Variants in PTPRD observed in about 807,000 individuals in gnomAD.
PTPRD encodes the protein protein tyrosine phosphatase receptor type D, also known as receptor-type tyrosine-protein phosphatase delta.
PTPRD carries 34 observed loss-of-function variants against 214.5 expected under a neutral mutation model. The observed-to-expected ratio is 0.16, with a 90% CI of 0.12 to 0.21. The LOEUF (loss-of-function observed/expected upper bound fraction) is 0.21. PTPRD is among the 10% of genes least tolerant of loss of function. The probability of loss-of-function intolerance (pLI) is 1.00; values close to 1 mark genes in which losing one functional copy is unlikely to be tolerated. For missense variants in PTPRD, 2,545 were observed against 2,398.7 expected (o/e 1.06, Z -1.27); for synonymous variants, 1,128 against 845.7 (o/e 1.33, Z -5.79).
chr9:8,978,694 A>G (rs1245973554), intron 11 of PTPRD, among the ~76,000 whole-genome samples: 2 of 152,108 alleles, frequency 1.3e-5, no homozygotes, highest in African/African-American at 4.8e-5. Context: ...TATAACCTAC[A>G]TAGCCTTGGA....
intron 14 of PTPRD, among the ~76,000 whole-genome samples, chr9:8,537,905 G>T (rs2077348273): frequency 6.6e-6 from 1 of 151,952 alleles, no homozygotes; most frequent in Non-Finnish European, 1.5e-5. Context: ...AGTTTACATT[G>T]CATTAAGTTA....
At chr9:10,521,843 A>C (rs10756057) in intron 2 of PTPRD, among the ~76,000 whole-genome samples, 58,539 of 151,752 alleles carry the variant, frequency 0.39, 12,802 homozygotes, top group Non-Finnish European at 0.51. Context: ...TGCACAATTA[A>C]TAGGCTACAG....
chr9:8,549,579 G>C (rs1056712321), intron 14 of PTPRD, among the ~76,000 whole-genome samples: 2 of 152,096 alleles, frequency 1.3e-5, no homozygotes, highest in African/African-American at 4.8e-5. Flanking sequence ...ATATTATTTT[G>C]CATTGTAGAT....
At chr9:9,683,050 G>T (rs987494084) in intron 7 of PTPRD, among the ~76,000 whole-genome samples, 1 of 151,784 alleles carries the variant, frequency 6.6e-6, no homozygotes, top group East Asian at 1.9e-4. Context: ...CAGATATTTT[G>T]AAAGATAGGG....
At chr9:8,444,784 G>A (rs1046012120) in intron 34 of PTPRD, among the ~76,000 whole-genome samples, 1 of 152,112 alleles carries the variant, frequency 6.6e-6, no homozygotes, top group South Asian at 2.1e-4. Context: ...CTGGGACGGA[G>A]AGACTAAAGT....
Position 8,400,573 on chromosome 9 carries a change from G to T in PTPRD, c.4210+3964C>A, listed in dbSNP as rs193274088. Among the ~76,000 whole-genome samples, 12 of 152,282 alleles carry T rather than the reference G, an allele frequency of 7.9e-5. No individual in the cohort carries two copies. The East Asian group carries it at 1.9e-3, about 25-fold the overall frequency. ...GATAAAATAGATTTTTAGGCAAAAA[G>T]ATAAGACTGAGCTTTTCCACCCATG... On this transcript the variant is annotated intron_variant, in intron 36 of 45. Coordinates refer to ENST00000381196, the MANE Select transcript of PTPRD (RefSeq NM_002839.4).
chr9:8,618,914 G>GTT (rs554282961), intron 14 of PTPRD, among the ~76,000 whole-genome samples: 2 of 67,798 alleles, frequency 2.9e-5, no homozygotes, highest in Non-Finnish European at 5.3e-5. Context: ...GTGTTTTTTT[G>GTT]TTTTTTTTTT....
intron 20 of PTPRD, among the ~76,000 whole-genome samples, chr9:8,519,596 T>G (rs1449202954): frequency 2.6e-5 from 4 of 152,178 alleles, no homozygotes; most frequent in African/African-American, 9.7e-5. Flanking sequence ...CTTGTACTTC[T>G]GACTTACTGT....
chr9:9,907,043 C>T (rs1383901147), intron 5 of PTPRD, among the ~76,000 whole-genome samples: 1 of 151,830 alleles, frequency 6.6e-6, no homozygotes. Flanking sequence ...ATCTCACCCC[C>T]CATACTCTCC....
chr9:8,382,718 C>T (rs12375761), intron 37 of PTPRD, among the ~76,000 whole-genome samples: 30,760 of 152,162 alleles, frequency 0.2, 3,612 homozygotes, highest in Non-Finnish European at 0.27. Context: ...TGCCAGCGTC[C>T]TATTTACATT....
At position 9,984,144 on chromosome 9, in the gene PTPRD, A is replaced by C. The variant is rs1023372115; in HGVS notation, c.-471-45534T>G. Among the ~76,000 whole-genome samples the C allele has an allele frequency of 3.3e-5, 5 of 152,196 alleles. 1 individual carries two copies. Among genetic ancestry groups the C allele is most frequent in the Admixed American group, 2.0e-4 (3 of 15,282 alleles). The stretch of plus-strand genomic sequence containing the variant: ...ATTTTAAATATAAGTGAATAAAAAT[A>C]ATAAAATAGCATTCATTAATAATTA... On this transcript the variant is annotated intron_variant, in intron 4 of 45. Coordinates refer to ENST00000381196, the MANE Select transcript of PTPRD (RefSeq NM_002839.4).
At chr9:10,195,110 T>A (rs2099392532) in intron 3 of PTPRD, among the ~76,000 whole-genome samples, 1 of 148,000 alleles carries the variant, frequency 6.8e-6, no homozygotes, top group Non-Finnish European at 1.5e-5. Context: ...TTTTTTTTTT[T>A]TTTTTTTTTT....
chr9:9,673,009 A>G (rs975180570), intron 7 of PTPRD, among the ~76,000 whole-genome samples: 2 of 152,038 alleles, frequency 1.3e-5, no homozygotes, highest in African/African-American at 4.8e-5. Flanking sequence ...AACGTATACA[A>G]ATTAAAATAT....
intron 5 of PTPRD, among the ~76,000 whole-genome samples, chr9:9,857,562 T>TAATA (rs138856436): frequency 2.6e-5 from 4 of 152,184 alleles, no homozygotes; most frequent in Non-Finnish European, 5.9e-5. Flanking sequence ...GCTCTGCTGA[T>TAATA]AATAAATAAA....
At chr9:10,120,505 C>G (rs1245652564) in intron 3 of PTPRD, among the ~76,000 whole-genome samples, 1 of 151,888 alleles carries the variant, frequency 6.6e-6, no homozygotes, top group African/African-American at 2.4e-5. Context: ...AATTATTACA[C>G]CATTAAACTA....
At chr9:8,745,842 G>A (rs1330359846) in intron 11 of PTPRD, among the ~76,000 whole-genome samples, 8 of 151,686 alleles carry the variant, frequency 5.3e-5, no homozygotes, top group African/African-American at 1.9e-4. Context: ...CTGTCGCCCA[G>A]GCTGGAGTGC....
chr9:9,636,709 TAGAG>T (rs760846167), intron 7 of PTPRD, among the ~76,000 whole-genome samples: 2 of 152,214 alleles, frequency 1.3e-5, no homozygotes, highest in Non-Finnish European at 2.9e-5. Context: ...AGTGGCAGAA[TAGAG>T]AGAAAGATTT....
intron 11 of PTPRD, among the ~76,000 whole-genome samples, chr9:8,788,362 G>A (rs895634133): frequency 9.7e-5 from 13 of 134,236 alleles, no homozygotes; most frequent in South Asian, 2.5e-4. Context: ...CACAACCTCC[G>A]CCTCTCAGGT....
At chr9:8,331,408 TATTTTCACTTATTTTCACTTTATGAAA>T (rs1840835254) in intron 44 of PTPRD, among the ~76,000 whole-genome samples, 147 bp downstream of exon 44, 1 of 47,278 alleles carries the variant, frequency 2.1e-5, no homozygotes, top group Non-Finnish European at 3.1e-5. Context: ...TTCCTCTGAT[TATTTTCACTTATTTTCACTTTATGAAA>T]AGAAAGAGAA....
Sources: gnomAD v4.1 joint callset for allele counts (sites outside exome capture counted in the v4.1 genomes callset) on GRCh38, gnomAD v4.1.1 for gene constraint, MANE v1.5 for transcripts, NCBI Gene and HGNC (gene_info 2026-07-23, HGNC 2026-07-21) for gene names.